The following IQCM variants were observed in gnomAD, a reference collection of about 807,000 sequenced individuals.
IQCM encodes IQ motif containing M, also known as IQ domain-containing protein M.
In IQCM, 45 loss-of-function variants were observed where a neutral mutation model predicts 57.6. That is an observed-to-expected ratio of 0.78 (90% CI 0.62 to 1.00). IQCM has a LOEUF of 1.00. IQCM is among the 50% of genes least tolerant of loss of function. IQCM has a pLI of 0.00. For missense variants in IQCM, 468 were observed against 511.6 expected, an observed-to-expected ratio of 0.91 and a Z score of 0.82; for synonymous variants, 148 against 158.9, an observed-to-expected ratio of 0.93 and a Z score of 0.51.
At position 149,639,425 on chromosome 4, in the gene IQCM, TA is replaced by T. The variant is rs1284156035; in HGVS notation, c.566-18182del. Among the ~76,000 whole-genome samples, 631 of 120,254 alleles carry T rather than the reference TA, an allele frequency of 5.2e-3. 1 individual carries two copies. Among genetic ancestry groups the T allele is most frequent in the Admixed American group, 7.3e-3 (83 of 11,414 alleles). The allele number at this position is 120,254 out of a possible 152,430, so 78.9% of individuals were successfully genotyped here. A position where few individuals can be genotyped will look rare whatever the true frequency, so the allele number is the denominator to read the frequency against. ...TGGAAAACAGAGTGAGATCCTGTCT[TA>T]AAAAAAAAAAAAAAAGAAGAAGAAG... On this transcript the variant is annotated intron_variant, in intron 7 of 13. Coordinates refer to ENST00000636793, the MANE Select transcript of IQCM (RefSeq NM_001363507.2).
intron 12 of IQCM, among the ~76,000 whole-genome samples, chr4:149,522,164 G>A (rs1314072803): frequency 6.6e-6 from 1 of 152,306 alleles, no homozygotes; most frequent in Admixed American, 6.5e-5. Flanking sequence ...AACAGACAGA[G>A]TTATTCTAGT....
intron 12 of IQCM, among the ~76,000 whole-genome samples, chr4:149,482,615 C>T (rs933543665): frequency 6.6e-6 from 1 of 151,696 alleles, no homozygotes; most frequent in African/African-American, 2.4e-5. Context: ...TCCTTGAATC[C>T]CTGGGATAAG....
At position 149,373,430 on chromosome 4, in the gene IQCM, C is replaced by T. The variant is rs541076837; in HGVS notation, c.1391-21364G>A. On this transcript the variant is annotated intron_variant, in intron 13 of 13. Transcript: ENST00000636793. Reference sequence around the variant, plus strand: ...TGTATTTTCTCATTTAACCTTGACACTAACCCTATGAGATGTTACTATCAT... The same window carrying T: ...TGTATTTTCTCATTTAACCTTGACATTAACCCTATGAGATGTTACTATCAT... Among the ~76,000 whole-genome samples the T allele has an allele frequency of 3.2e-4, 48 of 152,200 alleles. 1 individual carries two copies. In the South Asian group the frequency reaches 9.9e-3, roughly 32 times the overall value.
At chr4:149,519,415 ATC>A (rs1745356242) in intron 12 of IQCM, among the ~76,000 whole-genome samples, 15 of 152,104 alleles carry the variant, frequency 9.9e-5, no homozygotes, top group Admixed American at 9.2e-4. Context: ...AGGTCAGGAA[ATC>A]GAGACCATCC....
At chr4:149,658,762 G>A (rs148000836) in intron 7 of IQCM, among the ~76,000 whole-genome samples, 3 of 152,022 alleles carry the variant, frequency 2.0e-5, no homozygotes, top group East Asian at 3.9e-4. Context: ...GTTTCCTTGA[G>A]TTCTTTTTCA....
Position 149,473,063 on chromosome 4 carries a change from G to A in IQCM, c.1229-39506C>T, listed in dbSNP as rs570888471. 2.0e-5 allele frequency among the ~76,000 whole-genome samples: 3 copies of A among 152,246 alleles called. No homozygotes were observed. In the South Asian group the frequency reaches 6.2e-4, roughly 32 times the overall value. On this transcript the variant is annotated intron_variant, in intron 12 of 13. Coordinates refer to ENST00000636793, the MANE Select transcript of IQCM (RefSeq NM_001363507.2). Reference sequence around the variant, plus strand: ...AATACCATTCAGCACATAGGCATGGGCAAGGACTTCATGACTAAAACACCA... The same window carrying A: ...AATACCATTCAGCACATAGGCATGGACAAGGACTTCATGACTAAAACACCA...
chr4:149,719,162 C>T (rs745672465), intron 5 of IQCM, among the ~76,000 whole-genome samples: 4 of 151,604 alleles, frequency 2.6e-5, no homozygotes, highest in South Asian at 2.1e-4. Flanking sequence ...CTGGCCAACA[C>T]GGTGAAATCC....
intron 12 of IQCM, among the ~76,000 whole-genome samples, chr4:149,478,978 A>G (rs1740496101): frequency 1.2e-4 from 1 of 8,180 alleles, no homozygotes; most frequent in Admixed American, 2.8e-3. Context: ...TTCTTAACAA[A>G]TCATTTAATA....
chr4:149,651,463 A>G (rs1042080524), intron 7 of IQCM, among the ~76,000 whole-genome samples: 3 of 152,128 alleles, frequency 2.0e-5, no homozygotes, highest in South Asian at 2.1e-4. Flanking sequence ...CACATACACA[A>G]ATTTGTGTCA....
intron 12 of IQCM, among the ~76,000 whole-genome samples, chr4:149,514,008 T>C (rs971110066): frequency 1.3e-5 from 2 of 152,164 alleles, no homozygotes; most frequent in African/African-American, 2.4e-5. Context: ...TCATTTTCTA[T>C]GTTATGTTTG....
At chr4:149,472,325 T>A (rs988954337) in intron 12 of IQCM, among the ~76,000 whole-genome samples, 1 of 151,978 alleles carries the variant, frequency 6.6e-6, no homozygotes, top group African/African-American at 2.4e-5. Flanking sequence ...TATACACCAA[T>A]AACAGACAGA....
chr4:149,581,681 G>C (rs1752197044), intron 9 of IQCM, among the ~76,000 whole-genome samples: 1 of 151,700 alleles, frequency 6.6e-6, no homozygotes, highest in African/African-American at 2.4e-5. Context: ...CTAGGGTTGG[G>C]TTCCACTTTA....
intron 10 of IQCM, among the ~76,000 whole-genome samples, chr4:149,559,940 CATGCAGGGG>C (rs1358029329): frequency 2.6e-5 from 4 of 152,172 alleles, no homozygotes; most frequent in African/African-American, 9.7e-5. Context: ...GTGAACTGCA[CATGCAGGGG>C]ATCCAGGTTG....
chr4:149,564,888 C>T (rs542975640), intron 9 of IQCM, among the ~76,000 whole-genome samples: 2 of 152,214 alleles, frequency 1.3e-5, no homozygotes, highest in South Asian at 4.2e-4. Context: ...CAATTAATAA[C>T]ATTTGAGAAA....
At chr4:149,738,844 T>C (rs941237096) in intron 3 of IQCM, among the ~76,000 whole-genome samples, 1 of 152,150 alleles carries the variant, frequency 6.6e-6, no homozygotes, top group African/African-American at 2.4e-5. Flanking sequence ...AAGAGTGAAA[T>C]TCACAAGATA....
chr4:149,398,542 A>G (rs757886527), intron 13 of IQCM, among the ~76,000 whole-genome samples: 4 of 151,980 alleles, frequency 2.6e-5, no homozygotes, highest in Non-Finnish European at 4.4e-5. Flanking sequence ...TCTTTCATCA[A>G]TGATCTATAG....
intron 5 of IQCM, among the ~76,000 whole-genome samples, chr4:149,729,450 CTTTTTTTGTTGTTTT>C (rs879634937): frequency 0.016 from 2,199 of 135,936 alleles, 23 homozygotes; most frequent in Middle Eastern, 0.05. Context: ...CACTCAAAGT[CTTTTTTTGTTGTTTT>C]TTTTTTTGTT....
intron 13 of IQCM, among the ~76,000 whole-genome samples, chr4:149,413,342 A>G (rs981506300): frequency 1.2e-4 from 19 of 152,304 alleles, no homozygotes; most frequent in African/African-American, 4.6e-4. Flanking sequence ...CTAGTGGGAA[A>G]GAAATCGGGT....
chr4:149,724,091 C>T (rs1765683824), intron 5 of IQCM, among the ~76,000 whole-genome samples: 1 of 151,872 alleles, frequency 6.6e-6, no homozygotes, highest in Non-Finnish European at 1.5e-5. Flanking sequence ...TAGAGGTGTT[C>T]ATAGTAGTCT....
Sources: gnomAD v4.1 joint callset for allele counts (sites outside exome capture counted in the v4.1 genomes callset) on GRCh38, gnomAD v4.1.1 for gene constraint, MANE v1.5 for transcripts, NCBI Gene and HGNC (gene_info 2026-07-23, HGNC 2026-07-21) for gene names.